The following PICK1 variants were observed in gnomAD, a reference collection of about 807,000 sequenced individuals.
The protein encoded by PICK1 is PRKCA-binding protein.
In PICK1, 23 loss-of-function variants were observed where a neutral mutation model predicts 48.9. The observed-to-expected ratio is 0.47, with a 90% confidence interval of 0.34 to 0.67. The LOEUF is 0.67. PICK1 is among the 30% of genes least tolerant of loss of function. The pLI, the probability that PICK1 is intolerant of heterozygous loss-of-function variation, is 0.01. For synonymous variants in PICK1, 217 were observed against 228.2 expected (o/e 0.95, Z 0.44); for missense variants, 423 against 557.1 (o/e 0.76, Z 2.42).
rs1456707221 is a variant in PICK1, at chr22:38,075,076, G to C, written c.1192G>C (p.Asp398His). ...EDTAAGEPSR[D>H]TRGAAGPLDK... ...CACGGCAGCTGGGGAGCCGTCCAGG[G>C]ATACACGAGGGGCTGCTGGGCCCTT... The change falls in exon 13 of 13, where the codon GAT becomes CAT. Residue 398 changes from aspartate (D) to histidine (H), a missense_variant. This residue lies in a region of PICK1 where 144 missense variants were observed against 139.3 expected (regional missense o/e 1.03). Coordinates refer to ENST00000356976, the MANE Select transcript of PICK1 (RefSeq NM_012407.4). 1.2e-6 allele frequency: 2 copies of C among 1,612,928 alleles called. No individual in the cohort carries two copies. Among genetic ancestry groups the C allele is most frequent in the Non-Finnish European group, 1.7e-6 (2 of 1,179,988 alleles).
chr22:38,065,979 T>C (rs748369958), intron 4 of PICK1, among the ~76,000 whole-genome samples: 1 of 152,082 alleles, frequency 6.6e-6, no homozygotes, highest in Non-Finnish European at 1.5e-5. Flanking sequence ...TCCGCCTTCC[T>C]GCCTTAACCC....
rs758843442 is a variant in PICK1, at chr22:38,070,830, C to A, written c.440-8C>A. The A allele has an allele frequency of 6.2e-7, 1 of 1,613,774 alleles. No individual in the cohort carries two copies. Among genetic ancestry groups the A allele is most frequent in the Non-Finnish European group, 8.5e-7 (1 of 1,179,814 alleles). ...CACTGACCTCCCCTCTTCTTTGAAT[C>A]CCGACAGATGGGCTTGTCAAGAGGC... On this transcript the variant is annotated splice_region_variant and splice_polypyrimidine_tract_variant and intron_variant, in intron 6 of 12. Coordinates refer to ENST00000356976, the MANE Select transcript of PICK1 (RefSeq NM_012407.4).
intron 7 of PICK1, among the ~76,000 whole-genome samples, chr22:38,071,311 T>A (rs898787987): frequency 1.3e-5 from 2 of 152,092 alleles, no homozygotes; most frequent in Non-Finnish European, 2.9e-5. Flanking sequence ...ACCACCGCAC[T>A]CTAGTCTGGG....
intron 2 of PICK1, among the ~76,000 whole-genome samples, chr22:38,058,652 G>T (rs2085328087): frequency 2.0e-5 from 3 of 152,122 alleles, no homozygotes; most frequent in Admixed American, 2.0e-4. Flanking sequence ...CTCTGATAAG[G>T]GTGCTCATCC....
At position 38,073,674 on chromosome 22, in the gene PICK1, T is replaced by C; in HGVS notation, c.784-99T>C. On this transcript the variant is annotated intron_variant, in intron 10 of 12. Coordinates refer to ENST00000356976, the MANE Select transcript of PICK1 (RefSeq NM_012407.4). This position sits in a 1 kb window ranked among gnomAD's most constrained non-coding sequence, Gnocchi z 5.7. Reference sequence around the variant, plus strand: ...CCCGCTCTGGGACTCCCTGAACACCTGCGCCAGCCTCTCCTGCTGCGTGTG... The same window carrying C: ...CCCGCTCTGGGACTCCCTGAACACCCGCGCCAGCCTCTCCTGCTGCGTGTG... 1 of 1,113,332 alleles carries C rather than the reference T, an allele frequency of 9.0e-7. No homozygotes were observed. The highest frequency in any genetic ancestry group is 1.7e-5 in the Admixed American group (1 of 59,394). 69.0% of individuals were successfully genotyped at this position (1,113,332 alleles called of 1,614,324 possible).
In PICK1 at chr22:38,073,912, C is replaced by CGGGG. The variant is rs371211665; in HGVS notation, c.834+92_834+95dup. 703 of 1,302,292 alleles carry CGGGG rather than the reference C, an allele frequency of 5.4e-4. 3 individuals carry two copies. In the African/African-American group the frequency reaches 9.6e-3, roughly 18 times the overall value. The allele number at this position is 1,302,292 out of a possible 1,614,324, so 80.7% of individuals were successfully genotyped here. Reference sequence around the variant, plus strand: ...TGGCTCAGGCCAACCCGGGAGAGACCGGGGGGACTTGGCTGGACTCTCGTT... The same window carrying CGGGG: ...TGGCTCAGGCCAACCCGGGAGAGACCGGGGGGGGGGACTTGGCTGGACTCTCGTT... On this transcript the variant is annotated intron_variant, in intron 11 of 12. Coordinates refer to ENST00000356976, the MANE Select transcript of PICK1 (RefSeq NM_012407.4). This position sits in a 1 kb window ranked among gnomAD's most constrained non-coding sequence, Gnocchi z 5.7.
rs1216575475 is a variant in PICK1 at position 38,074,325 on chromosome 22, T to C, written c.853T>C (p.Tyr285His). The C allele has an allele frequency of 1.9e-6, 3 of 1,602,492 alleles. No individual in the cohort carries two copies. Among genetic ancestry groups the C allele is most frequent in the Non-Finnish European group, 2.6e-6 (3 of 1,171,276 alleles). ...GCCCCAGGCCCTAGGCGAGCCCCTTTACCGGGTGAGCACCGGCAACTATGA... is the reference window on the plus strand; with the variant it reads ...GCCCCAGGCCCTAGGCGAGCCCCTTCACCGGGTGAGCACCGGCAACTATGA... ...YSCIALGEPL[Y>H]RVSTGNYEYR... The change falls in exon 12 of 13, where the codon TAC becomes CAC. Residue 285 changes from tyrosine (Y) to histidine (H), a missense_variant. By Grantham distance (83) the Tyr-to-His change is moderately conservative. Around this residue, in one of 2 missense-constraint regions of PICK1, gnomAD observed 279 missense variants for 417.8 expected, o/e 0.67. Transcript: ENST00000356976. The surrounding 1 kb of genome is among the most constrained non-coding windows in gnomAD (Gnocchi z 4.5).
chr22:38,065,062 G>T lies in PICK1; in HGVS notation c.214G>T (p.Gly72Cys). ...AGTGGCAGCTGGCGATGAGATCACC[G>T]GTGTCAATGGCAGGTCAATCAAAGG... ...GTVAAGDEIT[G>C]VNGRSIKGKT... The change falls in exon 4 of 13, where the codon GGT becomes TGT. Residue 72 changes from glycine (G) to cysteine (C), a missense_variant. This residue lies in a region of PICK1 where 279 missense variants were observed against 417.8 expected (regional missense o/e 0.67). Coordinates refer to ENST00000356976, the MANE Select transcript of PICK1 (RefSeq NM_012407.4). The T allele has an allele frequency of 6.2e-7, 1 of 1,614,064 alleles. No homozygotes were observed. Among genetic ancestry groups the T allele is most frequent in the Non-Finnish European group, 8.5e-7 (1 of 1,179,982 alleles).
rs958766474 is a variant in PICK1, at chr22:38,073,607, G to T, written c.784-166G>T. On this transcript the variant is annotated intron_variant, in intron 10 of 12. Coordinates refer to ENST00000356976, the MANE Select transcript of PICK1 (RefSeq NM_012407.4). This position sits in a 1 kb window ranked among gnomAD's most constrained non-coding sequence, Gnocchi z 5.7. ...GGCCTTGAGTTTGGTCAACTCGGCC[G>T]CCTAAGCCTCAGGCCCTGTCATCCC... 2.0e-5 allele frequency among the ~76,000 whole-genome samples: 3 copies of T among 152,100 alleles called. No individual in the cohort carries two copies. The highest frequency in any genetic ancestry group is 7.2e-5 in the African/African-American group (3 of 41,412).
chr22:38,057,623 T>A lies in PICK1; in HGVS notation c.-58+36T>A, dbSNP rs2085302073. The stretch of plus-strand genomic sequence containing the variant: ...CCTACCCAGCCCCCCACCCGGAGAC[T>A]GTCCCATCCCACTCCAGAGGGAAGA... On this transcript the variant is annotated intron_variant, in intron 1 of 12. Coordinates refer to ENST00000356976, the MANE Select transcript of PICK1 (RefSeq NM_012407.4). The A allele has an allele frequency of 1.8e-5, 10 of 550,964 alleles. No individual in the cohort carries two copies. The East Asian group carries it at 3.0e-4, about 16-fold the overall frequency. 34.1% of individuals were successfully genotyped at this position (550,964 alleles called of 1,614,324 possible).
Position 38,074,834 on chromosome 22 carries a change from T to G in PICK1, c.980-30T>G, listed in dbSNP as rs2085797069. ...CCTGAGGCAGGCAGCCAGAGCCCAC[T>G]GCAGCCTGTCCCCCGACCTCCCACC... On this transcript the variant is annotated intron_variant, in intron 12 of 12. Coordinates refer to ENST00000356976, the MANE Select transcript of PICK1 (RefSeq NM_012407.4). The surrounding 1 kb of genome is among the most constrained non-coding windows in gnomAD (Gnocchi z 4.5). The G allele has an allele frequency of 6.2e-7, 1 of 1,605,678 alleles. No homozygotes were observed. Among genetic ancestry groups the G allele is most frequent in the African/African-American group, 1.3e-5 (1 of 74,912 alleles).
intron 4 of PICK1, 120 bp from the exon 5 acceptor site, chr22:38,067,584 C>T (rs2085560420): frequency 1.2e-6 from 1 of 822,218 alleles, no homozygotes; most frequent in East Asian, 2.5e-5. Context: ...GTTGGGATTA[C>T]AGGTGTGAGC....
rs1450330922 is a variant in PICK1 at position 38,065,053 on chromosome 22, G to T, written c.205G>T (p.Glu69Ter). ...GGACGGCACAGTGGCAGCTGGCGAT[G>T]AGATCACCGGTGTCAATGGCAGGTC... The part of the protein sequence containing the change: ...ALDGTVAAGD[E>*]ITGVNGRSIK... The change falls in exon 4 of 13, where the codon GAG becomes TAG. Residue 69 changes from glutamate to a stop codon, truncating the protein, a stop_gained. Transcript: ENST00000356976. LOFTEE classifies it high-confidence loss of function. 1 of 1,613,994 alleles carries T rather than the reference G, an allele frequency of 6.2e-7. No homozygotes were observed. Among genetic ancestry groups the T allele is most frequent in the Non-Finnish European group, 8.5e-7 (1 of 1,179,992 alleles).
intron 2 of PICK1, chr22:38,058,172 G>A: frequency 4.7e-6 from 2 of 425,154 alleles, no homozygotes; most frequent in Non-Finnish European, 8.8e-6. Flanking sequence ...GGTTTTGAAG[G>A]TTGAATAGGA....
intron 6 of PICK1, among the ~76,000 whole-genome samples, chr22:38,070,517 C>T (rs150497763): frequency 1.3e-4 from 20 of 152,310 alleles, no homozygotes; most frequent in African/African-American, 4.1e-4. Context: ...GTCCTTCCTG[C>T]GCTAGAGGCC....
intron 6 of PICK1, 126 bp from the exon 7 acceptor site, chr22:38,070,712 C>T (rs969935515): frequency 1.2e-6 from 1 of 811,666 alleles, no homozygotes; most frequent in African/African-American, 1.7e-5. Flanking sequence ...ATCCCCCTCC[C>T]TGGGACCCCT....
At chr22:38,060,923 A>G (rs2085384846) in intron 3 of PICK1, among the ~76,000 whole-genome samples, 1 of 151,678 alleles carries the variant, frequency 6.6e-6, no homozygotes, top group Non-Finnish European at 1.5e-5. Flanking sequence ...TAATTTTCGT[A>G]TTTGTAGGAG....
At chr22:38,072,364 C>G in intron 8 of PICK1, 113 bp from the exon 9 acceptor site, 1 of 1,267,354 alleles carries the variant, frequency 7.9e-7, no homozygotes, top group Non-Finnish European at 1.1e-6. Context: ...AGCCCCTGTG[C>G]AGACATTGGC....
At chr22:38,069,622 G>A (rs1182931984) in intron 6 of PICK1, among the ~76,000 whole-genome samples, 2 of 152,150 alleles carry the variant, frequency 1.3e-5, no homozygotes, top group Non-Finnish European at 2.9e-5. Context: ...TCCTACCGTC[G>A]CCAGTCCGAG....
Sources: allele counts gnomAD v4.1 joint callset (sites outside exome capture counted in the v4.1 genomes callset), GRCh38; gene constraint gnomAD v4.1.1; regional missense constraint gnomAD v4.1.1; non-coding constraint Gnocchi (gnomAD v3.1); transcripts MANE v1.5; gene names NCBI Gene and HGNC (gene_info 2026-07-23, HGNC 2026-07-21).